The following TSGA10 variants were observed in gnomAD, a reference collection of about 807,000 sequenced individuals.
TSGA10 encodes the protein testis-specific gene 10 protein.
A neutral mutation model predicts 96.6 loss-of-function variants in TSGA10; 43 were observed. The observed-to-expected ratio is 0.44, with a 90% confidence interval of 0.35 to 0.57. TSGA10 has a LOEUF of 0.57. Ranked by LOEUF, TSGA10 falls within the 20% of genes least tolerant of loss-of-function variation. The pLI, the probability that TSGA10 is intolerant of heterozygous loss-of-function variation, is 0.01. For synonymous variants in TSGA10, 229 were observed against 269.9 expected, an observed-to-expected ratio of 0.85 and a Z score of 1.48; for missense variants, 703 against 834.4, an observed-to-expected ratio of 0.84 and a Z score of 1.94.
chr2:99,048,930 C>G (rs547510353), intron 16 of TSGA10, among the ~76,000 whole-genome samples: 1 of 152,188 alleles, frequency 6.6e-6, no homozygotes, highest in South Asian at 2.1e-4. Flanking sequence ...AGGATATGAA[C>G]AGGCACTTCT....
At chr2:99,110,052 C>A (rs866660005) in intron 5 of TSGA10, among the ~76,000 whole-genome samples, 1 of 152,082 alleles carries the variant, frequency 6.6e-6, no homozygotes. Flanking sequence ...GTAGTCCCAG[C>A]TATTTGGGAG....
At chr2:99,002,686 C>T (rs61600722) in intron 20 of TSGA10, among the ~76,000 whole-genome samples, 1 of 152,084 alleles carries the variant, frequency 6.6e-6, no homozygotes, top group Admixed American at 6.6e-5. Context: ...AAGACACAGA[C>T]TGGCAAATTG....
intron 2 of TSGA10, among the ~76,000 whole-genome samples, chr2:99,119,152 CA>C (rs901019787): frequency 2.6e-5 from 4 of 151,990 alleles, no homozygotes; most frequent in African/African-American, 7.3e-5. Context: ...AAGTTGTCTT[CA>C]AAAAAACTTT....
intron 10 of TSGA10, among the ~76,000 whole-genome samples, chr2:99,096,212 T>A (rs149178363): frequency 6.6e-6 from 1 of 152,342 alleles, no homozygotes; most frequent in East Asian, 1.9e-4. Flanking sequence ...GTTTTATTCT[T>A]TATAAAAAGT....
intron 7 of TSGA10, among the ~76,000 whole-genome samples, chr2:99,107,405 TTAAAATTG>T (rs1482473169): frequency 6.6e-6 from 1 of 152,244 alleles, no homozygotes; most frequent in Non-Finnish European, 1.5e-5. Context: ...TGCCATAAGG[TTAAAATTG>T]TAAAATTGTA....
intron 16 of TSGA10, among the ~76,000 whole-genome samples, chr2:99,050,200 T>C (rs1393940504): frequency 1.3e-5 from 2 of 152,142 alleles, no homozygotes; most frequent in Admixed American, 6.5e-5. Context: ...TATAAATATA[T>C]AGTTGCCCTC....
At chr2:99,006,323 C>G (rs1035764270) in intron 20 of TSGA10, among the ~76,000 whole-genome samples, 2 of 152,068 alleles carry the variant, frequency 1.3e-5, no homozygotes, top group Admixed American at 6.5e-5. Flanking sequence ...AGCTTCTGCA[C>G]AGCAAAAGAA....
chr2:99,137,860 C>G (rs1386698442), intron 1 of TSGA10, among the ~76,000 whole-genome samples: 1 of 149,002 alleles, frequency 6.7e-6, no homozygotes, highest in Non-Finnish European at 1.5e-5. Flanking sequence ...GCACTCCAGC[C>G]TGGGCAACAG....
intron 16 of TSGA10, 48 bp from the exon 17 acceptor site, chr2:99,035,487 T>C: frequency 1.5e-6 from 2 of 1,311,394 alleles, no homozygotes; most frequent in Non-Finnish European, 2.1e-6. Context: ...TATATTAAAC[T>C]GGAAGGAAAC....
At chr2:99,139,812 T>C (rs2093462769) in intron 1 of TSGA10, among the ~76,000 whole-genome samples, 3 of 152,206 alleles carry the variant, frequency 2.0e-5, no homozygotes, top group African/African-American at 4.8e-5. Context: ...CATGTTCACA[T>C]ACAATGATGT....
At chr2:99,057,829 C>A (rs1462834249) in intron 16 of TSGA10, among the ~76,000 whole-genome samples, 1 of 152,162 alleles carries the variant, frequency 6.6e-6, no homozygotes, top group African/African-American at 2.4e-5. Flanking sequence ...AGGACTTTCA[C>A]TTTTCCATTT....
At chr2:99,059,933 GCTT>G (rs1452282420) in intron 16 of TSGA10, among the ~76,000 whole-genome samples, 3 of 128,966 alleles carry the variant, frequency 2.3e-5, no homozygotes, top group African/African-American at 9.0e-5. Context: ...AAAAAAAAAA[GCTT>G]CTACAAAAAA....
At chr2:99,043,554 A>T (rs1311846037) in intron 16 of TSGA10, among the ~76,000 whole-genome samples, 1 of 151,976 alleles carries the variant, frequency 6.6e-6, no homozygotes, top group Non-Finnish European at 1.5e-5. Context: ...AGCAAGTAGG[A>T]TAAAAGCTAA....
At chr2:99,093,775 G>A (rs1300454244) in intron 10 of TSGA10, among the ~76,000 whole-genome samples, 1 of 151,982 alleles carries the variant, frequency 6.6e-6, no homozygotes, top group East Asian at 1.9e-4. Flanking sequence ...ATGGAAACAT[G>A]TCCCGTGCTC....
intron 17 of TSGA10, among the ~76,000 whole-genome samples, chr2:99,024,317 T>C (rs1314811695): frequency 3.3e-5 from 5 of 152,034 alleles, no homozygotes; most frequent in Admixed American, 6.6e-5. Context: ...CTTGATCTCC[T>C]GACCTCATGA....
At chr2:99,004,507 C>T (rs1301882107) in intron 20 of TSGA10, among the ~76,000 whole-genome samples, 8 of 151,846 alleles carry the variant, frequency 5.3e-5, no homozygotes, top group South Asian at 2.1e-4. Flanking sequence ...GAGAATACTA[C>T]AAACACCTCT....
chr2:99,147,333 C>A (rs1036108741), intron 1 of TSGA10: 2 of 863,230 alleles, frequency 2.3e-6, no homozygotes, highest in Admixed American at 2.0e-5. Context: ...GTAAAGAAAG[C>A]CACTTTGTTC....
chr2:99,104,437 G>A (rs1348683779), intron 9 of TSGA10, among the ~76,000 whole-genome samples: 1 of 151,796 alleles, frequency 6.6e-6, no homozygotes, highest in East Asian at 1.9e-4. Context: ...CACATATAAT[G>A]TAGAATTATG....
intron 1 of TSGA10, among the ~76,000 whole-genome samples, chr2:99,153,908 ACT>A (rs1411161621): frequency 6.6e-6 from 1 of 152,240 alleles, no homozygotes; most frequent in Non-Finnish European, 1.5e-5. Context: ...TTCTATTTTA[ACT>A]GAAGGAGAGA....
Sources: gnomAD v4.1 joint callset for allele counts (sites outside exome capture counted in the v4.1 genomes callset) on GRCh38, gnomAD v4.1.1 for gene constraint, MANE v1.5 for transcripts, NCBI Gene and HGNC (gene_info 2026-07-23, HGNC 2026-07-21) for gene names.